The following KIF18A variants were observed in gnomAD, a reference collection of about 807,000 sequenced individuals.
KIF18A encodes the protein kinesin-like protein KIF18A.
In KIF18A, 67 loss-of-function variants were observed where a neutral mutation model predicts 103.3. The observed-to-expected ratio is 0.65, with a 90% CI of 0.53 to 0.79. KIF18A has a LOEUF of 0.79. KIF18A is among the 30% of genes least tolerant of loss of function. KIF18A has a pLI of 0.00. For synonymous variants in KIF18A, 367 were observed against 355.5 expected, an observed-to-expected ratio of 1.03 and a Z score of -0.36; for missense variants, 1,032 against 1,062.5, an observed-to-expected ratio of 0.97 and a Z score of 0.40.
At chr11:28,091,731 TA>T (rs1167727745) in intron 3 of KIF18A, among the ~76,000 whole-genome samples, 1 of 152,192 alleles carries the variant, frequency 6.6e-6, no homozygotes, top group Non-Finnish European at 1.5e-5. Context: ...AATTGAAACT[TA>T]AAGTTGGAGT....
chr11:28,067,740 C>A (rs1270985416), intron 11 of KIF18A, among the ~76,000 whole-genome samples: 1 of 151,984 alleles, frequency 6.6e-6, no homozygotes, highest in Non-Finnish European at 1.5e-5. Context: ...AGAGCATCAC[C>A]AAAGTAGAGA....
At chr11:28,053,623 T>A (rs538125686) in intron 13 of KIF18A, among the ~76,000 whole-genome samples, 1 of 147,918 alleles carries the variant, frequency 6.8e-6, no homozygotes, top group African/African-American at 2.5e-5. Context: ...CATTTAACAT[T>A]AGGTATACCT....
chr11:28,060,258 G>A (rs1386128462), intron 12 of KIF18A, among the ~76,000 whole-genome samples: 2 of 152,146 alleles, frequency 1.3e-5, no homozygotes, highest in Non-Finnish European at 2.9e-5. Flanking sequence ...TTCAGTCCTG[G>A]AATCCTGAGT....
chr11:28,021,306 A>G, intron 16 of KIF18A, 24 bp from the exon 17 acceptor site: 2 of 1,361,836 alleles, frequency 1.5e-6, no homozygotes, highest in Non-Finnish European at 9.6e-7. Flanking sequence ...AAAAAGATGC[A>G]TAAATATGGC....
chr11:28,027,458 T>TA (rs138327539), intron 15 of KIF18A, among the ~76,000 whole-genome samples: 5,046 of 151,974 alleles, frequency 0.033, 280 homozygotes, highest in African/African-American at 0.11. Context: ...TGTCTTTTGT[T>TA]AGTTTTGAAT....
chr11:28,026,213 G>A (rs1850317938), intron 15 of KIF18A, among the ~76,000 whole-genome samples: 1 of 151,748 alleles, frequency 6.6e-6, no homozygotes, highest in African/African-American at 2.4e-5. Context: ...TGTTGGGTAG[G>A]TTTTGGAATA....
intron 10 of KIF18A, 138 bp from the exon 11 acceptor site, chr11:28,069,561 T>TC: frequency 1.3e-6 from 1 of 765,546 alleles, no homozygotes; most frequent in African/African-American, 1.8e-5. Context: ...TAAAGCTATT[T>TC]CCCCCTTGAA....
chr11:28,079,091 T>A (rs924112076), intron 9 of KIF18A, among the ~76,000 whole-genome samples: 1 of 152,070 alleles, frequency 6.6e-6, no homozygotes, highest in Non-Finnish European at 1.5e-5. Context: ...AAATAAATAC[T>A]TATTTCATAG....
At chr11:28,104,325 CT>C (rs1205861662) in intron 1 of KIF18A, among the ~76,000 whole-genome samples, 1 of 152,142 alleles carries the variant, frequency 6.6e-6, no homozygotes, top group Non-Finnish European at 1.5e-5. Context: ...ATGGCCCTGC[CT>C]ACCTCTCTGA....
intron 10 of KIF18A, among the ~76,000 whole-genome samples, chr11:28,072,268 G>A (rs893963191): frequency 1.4e-4 from 21 of 152,094 alleles, no homozygotes; most frequent in African/African-American, 4.8e-4. Context: ...TGTTACTACT[G>A]CTTTGTGTAA....
chr11:28,090,271 T>C (rs921913396), intron 5 of KIF18A, among the ~76,000 whole-genome samples: 7 of 152,182 alleles, frequency 4.6e-5, no homozygotes, highest in African/African-American at 1.7e-4. Flanking sequence ...ATCAGTATGT[T>C]CCCAAATTAT....
chr11:28,084,875 G>A, intron 6 of KIF18A, 67 bp from the exon 7 acceptor site: 1 of 1,235,550 alleles, frequency 8.1e-7, no homozygotes, highest in Non-Finnish European at 1.2e-6. Context: ...TACCACTTTA[G>A]CACTTCACTG....
At chr11:28,073,416 T>A (rs762441688) in intron 10 of KIF18A, among the ~76,000 whole-genome samples, 10 of 152,150 alleles carry the variant, frequency 6.6e-5, no homozygotes, top group South Asian at 2.1e-4. Context: ...AGGAAGTCAC[T>A]GCTTACTTTT....
chr11:28,090,113 T>C (rs1469929234), intron 5 of KIF18A, among the ~76,000 whole-genome samples: 1 of 152,178 alleles, frequency 6.6e-6, no homozygotes, highest in Non-Finnish European at 1.5e-5. Flanking sequence ...TTAAAAGGAC[T>C]AGAAACTATA....
chr11:28,068,479 C>CA (rs59494887), intron 11 of KIF18A, among the ~76,000 whole-genome samples: 12,821 of 118,112 alleles, frequency 0.11, 989 homozygotes, highest in East Asian at 0.38. Flanking sequence ...AGTAATTATG[C>CA]AAAAAAAAAA....
rs775586756 is a variant in KIF18A, at chr11:28,059,186, G to A, written c.1713-25C>T. ...TCTATATACAGAAGATGAGAAGAAA[G>A]GAGAGATAAATATGACATTTTAAAC... On this transcript the variant is annotated intron_variant, in intron 12 of 16. Coordinates refer to ENST00000263181, the MANE Select transcript of KIF18A (RefSeq NM_031217.4). 1.1e-5 allele frequency: 16 copies of A among 1,498,960 alleles called. No homozygotes were observed. In the Admixed American group the frequency reaches 2.8e-4, roughly 26 times the overall value. 92.9% of individuals were successfully genotyped at this position (1,498,960 alleles called of 1,614,324 possible). A position where few individuals can be genotyped will look rare whatever the true frequency, so the allele number is the denominator to read the frequency against.
chr11:28,029,707 AG>A (rs2133487404), intron 15 of KIF18A, among the ~76,000 whole-genome samples: 1 of 150,910 alleles, frequency 6.6e-6, no homozygotes, highest in African/African-American at 2.4e-5. Flanking sequence ...AGGAAATAAA[AG>A]GTATTCAATT....
chr11:28,044,956 A>G (rs1011731640), intron 13 of KIF18A, among the ~76,000 whole-genome samples: 13 of 152,096 alleles, frequency 8.5e-5, no homozygotes, highest in African/African-American at 3.1e-4. Flanking sequence ...GACAAACTAC[A>G]TTTGCTAAGT....
At chr11:28,028,959 C>T (rs980668717) in intron 15 of KIF18A, among the ~76,000 whole-genome samples, 15 of 152,112 alleles carry the variant, frequency 9.9e-5, no homozygotes, top group African/African-American at 3.6e-4. Context: ...GACACATACA[C>T]CCTCCCAAGA....
Sources: gnomAD v4.1 joint callset for allele counts (sites outside exome capture counted in the v4.1 genomes callset) on GRCh38, gnomAD v4.1.1 for gene constraint, MANE v1.5 for transcripts, NCBI Gene and HGNC (gene_info 2026-07-23, HGNC 2026-07-21) for gene names.